Variants in EPHA8 observed in about 807,000 individuals in gnomAD.
EPHA8 encodes EPH receptor A8.
A neutral mutation model predicts 103.6 loss-of-function variants in EPHA8; 58 were observed. That is an observed-to-expected ratio of 0.56 (90% CI 0.45 to 0.70). The LOEUF is 0.70. EPHA8 is among the 30% of genes least tolerant of loss of function. The pLI, the probability that EPHA8 is intolerant of heterozygous loss-of-function variation, is 0.00. For missense variants in EPHA8, 1,304 were observed against 1,395.2 expected, an observed-to-expected ratio of 0.93 and a Z score of 1.04; for synonymous variants, 559 against 572.5, an observed-to-expected ratio of 0.98 and a Z score of 0.34.
chr1:22,580,137 T>C (rs1184665817), intron 3 of EPHA8, among the ~76,000 whole-genome samples: 2 of 111,928 alleles, frequency 1.8e-5, no homozygotes, highest in African/African-American at 8.0e-5. Context: ...CTTTTTTTTT[T>C]TTTTTTTTTT....
chr1:22,596,029 G>C, intron 8 of EPHA8, 77 bp from the exon 9 acceptor site: 2 of 1,367,898 alleles, frequency 1.5e-6, no homozygotes, highest in Non-Finnish European at 2.1e-6. Context: ...GAGAAGCCAT[G>C]ACTCGTTCCC....
At chr1:22,601,263 A>G (rs1570041735) in intron 15 of EPHA8, 37 bp from the exon 16 acceptor site, 11 of 1,571,468 alleles carry the variant, frequency 7.0e-6, no homozygotes, top group Non-Finnish European at 9.4e-6. Flanking sequence ...AGCCTCCCGA[A>G]CCCTCTGGCC....
chr1:22,578,550 AGTGT>A (rs973121066), intron 3 of EPHA8, among the ~76,000 whole-genome samples: 4 of 109,004 alleles, frequency 3.7e-5, no homozygotes, highest in African/African-American at 1.4e-4. Context: ...TGTGTGCGTG[AGTGT>A]GCACATTTGT....
rs1276925829 is a variant in EPHA8 at position 22,597,661 on chromosome 1, T to G, written c.1931-15T>G. The G allele has an allele frequency of 1.3e-6, 2 of 1,593,154 alleles. No homozygotes were observed. Among genetic ancestry groups the G allele is most frequent in the Non-Finnish European group, 1.7e-6 (2 of 1,168,812 alleles). On this transcript the variant is annotated splice_polypyrimidine_tract_variant and intron_variant, in intron 10 of 16. Coordinates refer to ENST00000166244, the MANE Select transcript of EPHA8 (RefSeq NM_020526.5). The surrounding 1 kb of genome is among the most constrained non-coding windows in gnomAD (Gnocchi z 4.6). Reference sequence around the variant, plus strand: ...ACTGCCCTCCCTCCACACCTGCCCCTCTCGGGGCCTGCAGGAGACTCCGGG... The same window carrying G: ...ACTGCCCTCCCTCCACACCTGCCCCGCTCGGGGCCTGCAGGAGACTCCGGG...
In EPHA8 at chr1:22,569,174, G is replaced by C. The variant is rs553930787; in HGVS notation, c.95-115G>C. ...AAAGGGCATTCAGGCAGAGGGACCC[G>C]TGTGAGCTGTGTGCTGGGGGCTGAG... On this transcript the variant is annotated intron_variant, in intron 1 of 16. Coordinates refer to ENST00000166244, the MANE Select transcript of EPHA8 (RefSeq NM_020526.5). This position sits in a 1 kb window ranked among gnomAD's most constrained non-coding sequence, Gnocchi z 4.5. The C allele has an allele frequency of 1.0e-6, 1 of 961,152 alleles. No individual in the cohort carries two copies. Among genetic ancestry groups the C allele is most frequent in the Non-Finnish European group, 1.6e-6 (1 of 610,402 alleles). The allele number at this position is 961,152 out of a possible 1,614,324, so 59.5% of individuals were successfully genotyped here.
chr1:22,570,277 T>C (rs547643606), intron 2 of EPHA8, among the ~76,000 whole-genome samples: 9 of 151,566 alleles, frequency 5.9e-5, no homozygotes, highest in East Asian at 1.9e-4. Flanking sequence ...TACACACACA[T>C]GCACGCGCGT....
At chr1:22,565,541 C>T (rs1640334940) in intron 1 of EPHA8, among the ~76,000 whole-genome samples, 1 of 152,140 alleles carries the variant, frequency 6.6e-6, no homozygotes, top group South Asian at 2.1e-4. Flanking sequence ...GCTCTGAGGC[C>T]CCTCCATCGA....
intron 1 of EPHA8, among the ~76,000 whole-genome samples, chr1:22,564,125 G>T (rs2124502595): frequency 6.6e-6 from 1 of 151,272 alleles, no homozygotes; most frequent in South Asian, 2.1e-4. Context: ...TGGGGACAGA[G>T]GACAGGGGGG....
In EPHA8 at chr1:22,576,472, G is replaced by C. The variant is rs1474243277; in HGVS notation, c.415G>C (p.Glu139Gln). Reference protein sequence around the residue: ...SDRDLGASTQESQFLKIDTIA... With the variant: ...SDRDLGASTQQSQFLKIDTIA... ...CCGCGACCTGGGGGCCAGCACACAA[G>C]AAAGCCAGTTCCTCAAAATCGACAC... is the stretch of plus-strand genomic sequence containing the variant. Residue 139 changes from glutamate to glutamine, a missense_variant, in exon 3 of 17, where the codon GAA becomes CAA. Physicochemically the swap from Glu to Gln is conservative, Grantham distance 29. Coordinates refer to ENST00000166244, the MANE Select transcript of EPHA8 (RefSeq NM_020526.5). This position sits in a 1 kb window ranked among gnomAD's most constrained non-coding sequence, Gnocchi z 4.8. 1.2e-6 allele frequency: 2 copies of C among 1,614,136 alleles called. No individual in the cohort carries two copies. Among genetic ancestry groups the C allele is most frequent in the South Asian group, 2.2e-5 (2 of 91,084 alleles).
Position 22,598,940 on chromosome 1 carries a change from C to G in EPHA8, c.2281C>G (p.Leu761Val). The change falls in exon 13 of 17, where the codon CTG becomes GTG. Residue 761 changes from leucine to valine, a missense_variant. Coordinates refer to ENST00000166244, the MANE Select transcript of EPHA8 (RefSeq NM_020526.5). The surrounding 1 kb of genome is among the most constrained non-coding windows in gnomAD (Gnocchi z 5.1). Reference protein sequence around the residue: ...LSDLGYVHRDLAARNVLVDSN... With the variant: ...LSDLGYVHRDVAARNVLVDSN... ...AGACCTGGGCTATGTCCACCGAGAC[C>G]TGGCCGCCCGCAACGTCCTGGTTGA... is the stretch of plus-strand genomic sequence containing the variant. 1.2e-6 allele frequency: 2 copies of G among 1,612,772 alleles called. No homozygotes were observed. The highest frequency in any genetic ancestry group is 1.7e-6 in the Non-Finnish European group (2 of 1,179,876).
intron 4 of EPHA8, 22 bp from the exon 5 acceptor site, chr1:22,588,849 A>G: frequency 1.3e-6 from 2 of 1,556,682 alleles, no homozygotes; most frequent in South Asian, 2.4e-5. Flanking sequence ...CCACTGCCCC[A>G]TCTGTCATCC....
At chr1:22,564,848 C>G (rs546438816) in intron 1 of EPHA8, among the ~76,000 whole-genome samples, 1 of 152,274 alleles carries the variant, frequency 6.6e-6, no homozygotes, top group Admixed American at 6.5e-5. Flanking sequence ...GGTCCTCACC[C>G]TGCCAAGATG....
chr1:22,573,619 G>T (rs189440212), intron 2 of EPHA8, among the ~76,000 whole-genome samples: 2 of 152,226 alleles, frequency 1.3e-5, no homozygotes, highest in East Asian at 1.9e-4. Context: ...TGTTGCATGC[G>T]TGGAGGAACC....
rs771547728 is a variant in EPHA8, at chr1:22,576,230, A to C, written c.173A>C (p.Asn58Thr). 1.9e-6 allele frequency: 3 copies of C among 1,608,744 alleles called. No individual in the cohort carries two copies. The highest frequency in any genetic ancestry group is 1.7e-6 in the Non-Finnish European group (2 of 1,176,790). ...CTCTGCCCACAGTGGGACTCCATCA[A>C]CGAGGTGGACGAGTCCTTCCAGCCC... ...TYPAHGWDSI[N>T]EVDESFQPIH... is the part of the protein sequence containing the mutation. The change falls in exon 3 of 17, where the codon AAC (asparagine) becomes ACC (threonine). Residue 58 changes from asparagine to threonine, a missense_variant. By Grantham distance (65) the Asn-to-Thr change is moderately conservative. Coordinates refer to ENST00000166244, the MANE Select transcript of EPHA8 (RefSeq NM_020526.5). This position sits in a 1 kb window ranked among gnomAD's most constrained non-coding sequence, Gnocchi z 4.8.
chr1:22,566,043 G>A (rs1037873629), intron 1 of EPHA8, among the ~76,000 whole-genome samples: 1 of 152,192 alleles, frequency 6.6e-6, no homozygotes, highest in Admixed American at 6.5e-5. Context: ...CTCCCAGCTG[G>A]GTCTAGCAAA....
Position 22,576,843 on chromosome 1 carries a change from C to T in EPHA8, c.786C>T (p.Cys262=), listed in dbSNP as rs542787007. Residue 262 remains cysteine, a synonymous_variant, in exon 3 of 17, where the codon TGC becomes TGT. Coordinates refer to ENST00000166244, the MANE Select transcript of EPHA8 (RefSeq NM_020526.5). The surrounding 1 kb of genome is among the most constrained non-coding windows in gnomAD (Gnocchi z 4.8). The part of the protein sequence containing the change: ...EWLVPIGKCV[C]SAGYEERRDA... ...TCGTGCCCATCGGCAAATGCGTGTG[C>T]AGTGCCGGCTACGAGGAGCGGCGGG... The T allele has an allele frequency of 3.1e-6, 5 of 1,606,180 alleles. No individual in the cohort carries two copies. In the East Asian group the frequency reaches 9.0e-5, roughly 29 times the overall value.
Position 22,600,828 on chromosome 1 carries a change from G to A in EPHA8, c.2538+18G>A. 1 of 1,595,304 alleles carries A rather than the reference G, an allele frequency of 6.3e-7. No individual in the cohort carries two copies. The highest frequency in any genetic ancestry group is 1.1e-5 in the South Asian group (1 of 87,974). ...ACCGGGATGTGAGTGCCAAGCCCTG[G>A]CAGGTCCGCGGGCGGTGGAGCCTCA... On this transcript the variant is annotated intron_variant, in intron 14 of 16. Transcript: ENST00000166244.
intron 2 of EPHA8, among the ~76,000 whole-genome samples, chr1:22,570,413 T>C (rs1428979025): frequency 6.6e-6 from 1 of 152,208 alleles, no homozygotes; most frequent in Non-Finnish European, 1.5e-5. Flanking sequence ...TATGCACACA[T>C]CTCTGCCACA....
At chr1:22,566,249 C>T (rs925388917) in intron 1 of EPHA8, among the ~76,000 whole-genome samples, 5 of 152,234 alleles carry the variant, frequency 3.3e-5, no homozygotes, top group Non-Finnish European at 7.3e-5. Context: ...TTGAGGTGAT[C>T]TCCAAGGCAT....
Sources: gnomAD v4.1 joint callset for allele counts (sites outside exome capture counted in the v4.1 genomes callset) on GRCh38, gnomAD v4.1.1 for gene constraint, Gnocchi (gnomAD v3.1) non-coding constraint, MANE v1.5 for transcripts, NCBI Gene and HGNC (gene_info 2026-07-23, HGNC 2026-07-21) for gene names.